PKD2: variants seen among roughly 807,000 people sequenced by gnomAD.
PKD2 encodes the protein polycystin 2, transient receptor potential cation channel, also known as polycystin-2.
In PKD2, 48 loss-of-function variants were observed where a neutral mutation model predicts 105.9. The observed-to-expected ratio is 0.45, with a 90% CI of 0.36 to 0.58. PKD2 has a LOEUF of 0.58. Among genes scored for constraint, PKD2 ranks in the 20% least tolerant of loss-of-function variants. The probability of loss-of-function intolerance (pLI) is 0.00; values close to 1 mark genes in which losing one functional copy is unlikely to be tolerated. For missense variants in PKD2, 1,078 were observed against 1,255.3 expected (o/e 0.86, Z 2.13); for synonymous variants, 464 against 481.1 (o/e 0.96, Z 0.46).
At chr4:88,043,207 T>C (rs1727639003) in intron 4 of PKD2, 26 bp from the exon 5 acceptor site, 1 of 1,418,080 alleles carries the variant, frequency 7.1e-7, no homozygotes, top group Non-Finnish European at 1.0e-6. Context: ...TGTAACTGTT[T>C]GTTTTTTGGT....
chr4:88,039,921 A>C (rs1418554656), intron 4 of PKD2, among the ~76,000 whole-genome samples: 1 of 152,030 alleles, frequency 6.6e-6, no homozygotes, highest in East Asian at 1.9e-4. Flanking sequence ...TTTGCTTTCT[A>C]ATGTGCCTTT....
chr4:88,008,201 G>A lies in PKD2; in HGVS notation c.468G>A (p.Arg156=). The change falls in exon 1 of 15, where the codon CGG becomes CGA. Residue 156 remains arginine (R), a synonymous_variant. Transcript: ENST00000237596. The part of the protein sequence containing the change: ...GAGHPSGRRR[R]REDQGPPCPS... ...GCCACCCGAGCGGGAGGCGGCGCCG[G>A]CGAGAGGACCAGGGCCCGCCGTGCC... 7.3e-7 allele frequency: 1 copy of A among 1,363,554 alleles called. No individual in the cohort carries two copies. Among genetic ancestry groups the A allele is most frequent in the Non-Finnish European group, 9.4e-7 (1 of 1,067,576 alleles). 84.5% of individuals were successfully genotyped at this position (1,363,554 alleles called of 1,614,324 possible).
chr4:88,011,340 T>TC (rs1189965300), intron 1 of PKD2, among the ~76,000 whole-genome samples: 4 of 151,556 alleles, frequency 2.6e-5, no homozygotes, highest in Non-Finnish European at 5.9e-5. Context: ...TTTTTTTTTT[T>TC]CCTAGAGAAA....
At chr4:88,012,323 A>G (rs1234920955) in intron 1 of PKD2, among the ~76,000 whole-genome samples, 1 of 152,240 alleles carries the variant, frequency 6.6e-6, no homozygotes, top group African/African-American at 2.4e-5. Flanking sequence ...TAGATGTTGC[A>G]GTCAGGATTT....
At chr4:88,042,634 T>C (rs1037466355) in intron 4 of PKD2, among the ~76,000 whole-genome samples, 1 of 152,218 alleles carries the variant, frequency 6.6e-6, no homozygotes, top group Non-Finnish European at 1.5e-5. Context: ...GCCAGCCTTA[T>C]TTCTTTTCTC....
At chr4:88,053,601 G>A (rs1005688764) in intron 7 of PKD2, among the ~76,000 whole-genome samples, 1 of 150,816 alleles carries the variant, frequency 6.6e-6, no homozygotes, top group African/African-American at 2.4e-5. Context: ...AGGGTGCAGT[G>A]AGCCAAGATC....
In PKD2 at chr4:88,061,983, A is replaced by G; in HGVS notation, c.2097A>G (p.Glu699=). The change falls in exon 10 of 15, where the codon GAA becomes GAG. Residue 699 remains glutamate (E), a synonymous_variant. Coordinates refer to ENST00000237596, the MANE Select transcript of PKD2 (RefSeq NM_000297.4). ...SDLAQQKAEM[E]LSDLIRKGYH... is the part of the protein sequence containing the mutation. ...TGGCACAGCAGAAAGCTGAAATGGA[A>G]CTCTCAGATCTTATCAGAAAGGTAG... 2 of 1,546,772 alleles carry G rather than the reference A, an allele frequency of 1.3e-6. No homozygotes were observed. Among genetic ancestry groups the G allele is most frequent in the Non-Finnish European group, 1.8e-6 (2 of 1,119,226 alleles).
At position 88,065,754 on chromosome 4, in the gene PKD2, A is replaced by C. The variant is rs1720767788; in HGVS notation, c.2241-8A>C. 4.4e-6 allele frequency: 7 copies of C among 1,579,348 alleles called. No homozygotes were observed. Among genetic ancestry groups the C allele is most frequent in the Non-Finnish European group, 6.1e-6 (7 of 1,148,296 alleles). On this transcript the variant is annotated splice_region_variant and splice_polypyrimidine_tract_variant and intron_variant, in intron 11 of 14. Transcript: ENST00000237596. ...TGATTTTTATCTGTATCCTCTCTCTAATTTCAGGAAGGGCCATACTGATGC... is the reference window on the plus strand; with the variant it reads ...TGATTTTTATCTGTATCCTCTCTCTCATTTCAGGAAGGGCCATACTGATGC...
At chr4:88,039,141 G>C (rs1272788074) in intron 4 of PKD2, among the ~76,000 whole-genome samples, 10 of 152,144 alleles carry the variant, frequency 6.6e-5, no homozygotes, top group Non-Finnish European at 1.5e-4. Context: ...GCCGTTTCAG[G>C]GTGGGCCTTT....
chr4:88,054,077 A>T (rs1720217653), intron 7 of PKD2, among the ~76,000 whole-genome samples: 1 of 151,832 alleles, frequency 6.6e-6, no homozygotes, highest in South Asian at 2.1e-4. Context: ...TTTAATAATA[A>T]TAATCAAGAT....
rs115061184 is a variant in PKD2, at chr4:88,035,086, T to C, written c.710-1134T>C. On this transcript the variant is annotated intron_variant, in intron 2 of 14. Transcript: ENST00000237596. Reference sequence around the variant, plus strand: ...TTTTATTTAGGCACCAAAAAATCCATGGGATAGTTGGTTATCCCCATCTTA... The same window carrying C: ...TTTTATTTAGGCACCAAAAAATCCACGGGATAGTTGGTTATCCCCATCTTA... 5.4e-3 allele frequency among the ~76,000 whole-genome samples: 823 copies of C among 152,320 alleles called. 5 individuals are homozygous for C. Among genetic ancestry groups the C allele is most frequent in the African/African-American group, 0.018 (765 of 41,560 alleles).
intron 7 of PKD2, among the ~76,000 whole-genome samples, chr4:88,052,655 G>A (rs936150385): frequency 2.0e-5 from 3 of 152,136 alleles, no homozygotes; most frequent in Admixed American, 2.0e-4. Flanking sequence ...ATCTGAATTA[G>A]TGCAAGATCA....
intron 1 of PKD2, among the ~76,000 whole-genome samples, chr4:88,014,689 T>C (rs889521976): frequency 6.6e-6 from 1 of 152,244 alleles, no homozygotes; most frequent in African/African-American, 2.4e-5. Flanking sequence ...GAGGATTCTT[T>C]TATGATACAA....
intron 13 of PKD2, among the ~76,000 whole-genome samples, chr4:88,069,118 C>CTT (rs1400439556): frequency 6.6e-6 from 1 of 152,078 alleles, no homozygotes; most frequent in African/African-American, 2.4e-5. Context: ...CTCCAGCTTT[C>CTT]TTTTGGTTGC....
At chr4:88,023,442 C>T (rs552111031) in intron 2 of PKD2, among the ~76,000 whole-genome samples, 6 of 152,178 alleles carry the variant, frequency 3.9e-5, no homozygotes, top group Admixed American at 1.3e-4. Context: ...CGTACCAGGC[C>T]CCGCCTTCAG....
At chr4:88,053,656 C>CA (rs10717181) in intron 7 of PKD2, among the ~76,000 whole-genome samples, 1,757 of 117,758 alleles carry the variant, frequency 0.015, 32 homozygotes, top group Admixed American at 0.075. Flanking sequence ...GACCCTGTCT[C>CA]AAAAAAAAAA....
intron 7 of PKD2, among the ~76,000 whole-genome samples, chr4:88,053,387 G>A (rs528041913): frequency 6.6e-6 from 1 of 152,096 alleles, no homozygotes. Context: ...TGGACCAGGC[G>A]CAGTGGCTCA....
intron 10 of PKD2, among the ~76,000 whole-genome samples, chr4:88,064,589 A>G (rs1188971149): frequency 6.6e-6 from 1 of 152,152 alleles, no homozygotes; most frequent in Non-Finnish European, 1.5e-5. Flanking sequence ...TCAGGTCTAA[A>G]GTTCGCTAAT....
intron 2 of PKD2, among the ~76,000 whole-genome samples, chr4:88,023,511 C>G (rs1726841391): frequency 6.6e-6 from 1 of 152,196 alleles, no homozygotes; most frequent in Admixed American, 6.5e-5. Flanking sequence ...AACTATATCA[C>G]CTTGCATAGT....
Sources: allele counts gnomAD v4.1 joint callset (sites outside exome capture counted in the v4.1 genomes callset), GRCh38; gene constraint gnomAD v4.1.1; transcripts MANE v1.5; gene names NCBI Gene and HGNC (gene_info 2026-07-23, HGNC 2026-07-21).